CDKAL1: variants seen among roughly 807,000 people sequenced by gnomAD.
CDKAL1 encodes CDKAL1 threonylcarbamoyladenosine tRNA methylthiotransferase.
In CDKAL1, 32 loss-of-function variants were observed where a neutral mutation model predicts 68.2. The ratio of observed to expected loss-of-function variants is 0.47; its 90% CI spans 0.35 to 0.63. CDKAL1 has a LOEUF of 0.63. Among genes scored for constraint, CDKAL1 ranks in the 30% least tolerant of loss-of-function variants. CDKAL1 has a pLI of 0.00. For missense variants in CDKAL1, 606 were observed against 696.7 expected (o/e 0.87, Z 1.47); for synonymous variants, 234 against 244.3 (o/e 0.96, Z 0.39).
At chr6:21,113,336 CAG>C (rs1774217177) in intron 13 of CDKAL1, among the ~76,000 whole-genome samples, 1 of 152,042 alleles carries the variant, frequency 6.6e-6, no homozygotes, top group Admixed American at 6.6e-5. Context: ...AGTATTACTA[CAG>C]AGAGTGGTTG....
At chr6:20,685,709 T>C (rs1455009652) in intron 5 of CDKAL1, among the ~76,000 whole-genome samples, 1 of 152,200 alleles carries the variant, frequency 6.6e-6, no homozygotes, top group Non-Finnish European at 1.5e-5. Flanking sequence ...AAATTTTATT[T>C]TATTTTTGCT....
intron 11 of CDKAL1, among the ~76,000 whole-genome samples, chr6:21,054,793 G>T (rs1770739143): frequency 6.6e-6 from 1 of 151,432 alleles, no homozygotes. Flanking sequence ...AAATGTAATT[G>T]ATTTTTATAT....
intron 13 of CDKAL1, among the ~76,000 whole-genome samples, chr6:21,148,257 G>A (rs1482094049): frequency 6.6e-6 from 1 of 152,160 alleles, no homozygotes; most frequent in Non-Finnish European, 1.5e-5. Context: ...AAAAGGGAAG[G>A]GACTGTGATC....
chr6:20,932,385 C>T (rs772686405), intron 9 of CDKAL1, among the ~76,000 whole-genome samples: 3 of 152,148 alleles, frequency 2.0e-5, no homozygotes, highest in Admixed American at 6.6e-5. Flanking sequence ...TGTCCACCCA[C>T]GTTCCCATTT....
chr6:20,836,876 A>G (rs1171230448), intron 8 of CDKAL1, among the ~76,000 whole-genome samples: 1 of 152,102 alleles, frequency 6.6e-6, no homozygotes, highest in African/African-American at 2.4e-5. Context: ...CGCGTGGGAA[A>G]GGTTTCTTCT....
intron 11 of CDKAL1, among the ~76,000 whole-genome samples, chr6:21,055,265 T>C (rs1226610418): frequency 1.3e-5 from 2 of 152,216 alleles, no homozygotes; most frequent in African/African-American, 2.4e-5. Context: ...AGTTTGCCAA[T>C]ATTTTGTTAA....
chr6:21,206,369 T>A (rs1778938111), intron 15 of CDKAL1, among the ~76,000 whole-genome samples: 1 of 152,212 alleles, frequency 6.6e-6, no homozygotes, highest in Non-Finnish European at 1.5e-5. Flanking sequence ...CTCTTAGGAA[T>A]ATGCGACAAT....
At chr6:20,922,679 T>G (rs774931295) in intron 9 of CDKAL1, among the ~76,000 whole-genome samples, 4 of 152,224 alleles carry the variant, frequency 2.6e-5, no homozygotes, top group Non-Finnish European at 5.9e-5. Flanking sequence ...ATCTTCAGTT[T>G]ATAAGATCTG....
At chr6:20,899,062 CTT>C (rs149183099) in intron 9 of CDKAL1, among the ~76,000 whole-genome samples, 2 of 113,748 alleles carry the variant, frequency 1.8e-5, no homozygotes, top group East Asian at 2.5e-4. Flanking sequence ...TCTTCTAATT[CTT>C]TTTTTTTTTT....
chr6:20,818,699 T>C (rs1054984959), intron 8 of CDKAL1, among the ~76,000 whole-genome samples: 3 of 150,476 alleles, frequency 2.0e-5, no homozygotes, highest in Non-Finnish European at 3.0e-5. Context: ...ATTTATAAAA[T>C]TATTATAAAT....
chr6:21,208,464 G>A (rs893916147), intron 15 of CDKAL1, among the ~76,000 whole-genome samples: 1 of 152,130 alleles, frequency 6.6e-6, no homozygotes, highest in African/African-American at 2.4e-5. Flanking sequence ...GTTAAGAAAT[G>A]GCTTAATAAT....
intron 14 of CDKAL1, among the ~76,000 whole-genome samples, chr6:21,199,397 TC>T (rs1582403620): frequency 6.6e-6 from 1 of 152,194 alleles, no homozygotes; most frequent in Non-Finnish European, 1.5e-5. Context: ...CTGGCCTGCA[TC>T]GCTTCCCCAT....
At chr6:20,584,541 T>C (rs903085090) in intron 4 of CDKAL1, among the ~76,000 whole-genome samples, 6 of 152,224 alleles carry the variant, frequency 3.9e-5, no homozygotes, top group African/African-American at 1.2e-4. Context: ...TGGTCATAAC[T>C]GTGATCCCTT....
Position 21,003,343 on chromosome 6 carries a change from AATATATATATATATAT to A in CDKAL1, c.1055+2985_1055+3000del, listed in dbSNP as rs71540608. The stretch of plus-strand genomic sequence containing the variant: ...CAACATGGTGAAACCATCTCTACTA[AATATATATATATATAT>A]ATATATATATATACACACACACACA... On this transcript the variant is annotated intron_variant, in intron 11 of 15. Transcript: ENST00000274695. 8.4e-4 allele frequency among the ~76,000 whole-genome samples: 34 copies of A among 40,444 alleles called. 3 individuals carry two copies. Among genetic ancestry groups the A allele is most frequent in the African/African-American group, 2.7e-3 (31 of 11,296 alleles). 26.5% of individuals were successfully genotyped at this position (40,444 alleles called of 152,430 possible).
At chr6:20,672,280 TTCTC>T (rs1362727062) in intron 5 of CDKAL1, among the ~76,000 whole-genome samples, 7 of 125,010 alleles carry the variant, frequency 5.6e-5, no homozygotes, top group African/African-American at 1.0e-4. Flanking sequence ...TTTTCTTTCT[TTCTC>T]TCTCTCTCTC....
intron 5 of CDKAL1, among the ~76,000 whole-genome samples, chr6:20,695,806 A>G (rs1771081331): frequency 1.3e-5 from 2 of 152,138 alleles, no homozygotes. Context: ...CCATTTAATC[A>G]TTATTTAAGC....
chr6:20,884,292 A>G (rs1353776743), intron 9 of CDKAL1, among the ~76,000 whole-genome samples: 1 of 151,908 alleles, frequency 6.6e-6, no homozygotes, highest in Non-Finnish European at 1.5e-5. Flanking sequence ...GTTGATGGAA[A>G]AAACAAACAA....
intron 12 of CDKAL1, among the ~76,000 whole-genome samples, chr6:21,081,413 G>A (rs1772391515): frequency 1.3e-5 from 2 of 152,084 alleles, no homozygotes; most frequent in South Asian, 4.1e-4. Flanking sequence ...AAAACTGCAA[G>A]GATCTATATA....
At chr6:20,952,386 C>A (rs1430616745) in intron 9 of CDKAL1, among the ~76,000 whole-genome samples, 1 of 152,202 alleles carries the variant, frequency 6.6e-6, no homozygotes, top group Non-Finnish European at 1.5e-5. Flanking sequence ...GCAGGCCCTT[C>A]ATTTTGGTCT....
Sources: allele counts gnomAD v4.1 joint callset (sites outside exome capture counted in the v4.1 genomes callset), GRCh38; gene constraint gnomAD v4.1.1; transcripts MANE v1.5; gene names NCBI Gene and HGNC (gene_info 2026-07-23, HGNC 2026-07-21).